The following MKLN1 variants were observed in gnomAD, a reference collection of about 807,000 sequenced individuals.
The protein encoded by MKLN1 is muskelin 1.
Under a neutral mutation model 99.0 loss-of-function variants are expected in MKLN1, and 18 were observed. That is an observed-to-expected ratio of 0.18 (90% CI 0.13 to 0.27). The LOEUF (loss-of-function observed/expected upper bound fraction) is 0.27, where lower values mean the gene tolerates loss of function less well. Ranked by LOEUF, MKLN1 falls within the 10% of genes least tolerant of loss-of-function variation. The probability of loss-of-function intolerance (pLI) is 1.00; values close to 1 mark genes in which losing one functional copy is unlikely to be tolerated. For synonymous variants in MKLN1, 288 were observed against 293.2 expected (o/e 0.98, Z 0.18); for missense variants, 621 against 875.9 (o/e 0.71, Z 3.67).
chr7:131,329,089 T>C (rs1241248056), intron 1 of MKLN1, among the ~76,000 whole-genome samples: 2 of 152,210 alleles, frequency 1.3e-5, no homozygotes, highest in African/African-American at 4.8e-5. Flanking sequence ...TACTGAGTAT[T>C]TTACTAAACA....
chr7:131,466,478 T>C, intron 15 of MKLN1, 63 bp downstream of exon 15: 1 of 1,232,410 alleles, frequency 8.1e-7, no homozygotes, highest in Non-Finnish European at 1.1e-6. Flanking sequence ...TCTTGGCAAA[T>C]TTAATAATGA....
rs140487080 is a variant in MKLN1, at chr7:131,271,896, C to T, written c.-179+68922C>T. Among the ~76,000 whole-genome samples the T allele has an allele frequency of 4.8e-3, 673 of 139,214 alleles. 23 individuals carry two copies. The East Asian group carries it at 0.11, about 22-fold the overall frequency. The allele number at this position is 139,214 out of a possible 152,430, so 91.3% of individuals were successfully genotyped here. The stretch of plus-strand genomic sequence containing the variant: ...TGCACTCCAGCTTAGGCAACAAAAG[C>T]GAAACTCTGTCTCAAAAAAAAAAAA... On this transcript the variant is annotated intron_variant, in intron 3 of 7. Transcript: ENST00000416992.
intron 4 of MKLN1, among the ~76,000 whole-genome samples, chr7:131,390,460 C>T (rs1193239105): frequency 6.6e-6 from 1 of 152,060 alleles, no homozygotes; most frequent in Non-Finnish European, 1.5e-5. Context: ...GGAACCTTTT[C>T]CAGCCCTGTC....
Position 131,287,777 on chromosome 7 carries a change from A to G in MKLN1, c.-179+84803A>G, listed in dbSNP as rs556425440. Among the ~76,000 whole-genome samples, 18 of 150,182 alleles carry G rather than the reference A, an allele frequency of 1.2e-4. No individual in the cohort carries two copies. The South Asian group carries it at 3.1e-3, about 26-fold the overall frequency. On this transcript the variant is annotated intron_variant, in intron 3 of 7. Coordinates refer to the MKLN1 transcript ENST00000416992. Reference sequence around the variant, plus strand: ...CCCATAATCCCCACATGTTTAGGGAAAGACCAGTGGGAGGTGATTGGATCA... The same window carrying G: ...CCCATAATCCCCACATGTTTAGGGAGAGACCAGTGGGAGGTGATTGGATCA...
chr7:131,312,062 ACC>A (rs1798576822), intron 3 of MKLN1, among the ~76,000 whole-genome samples: 1 of 151,770 alleles, frequency 6.6e-6, no homozygotes, highest in South Asian at 2.1e-4. Context: ...CACTCTTGTT[ACC>A]CAGGCTGGAG....
At chr7:131,199,804 G>A (rs1265193474) in intron 2 of MKLN1, among the ~76,000 whole-genome samples, 4 of 152,180 alleles carry the variant, frequency 2.6e-5, no homozygotes, top group East Asian at 1.9e-4. Context: ...AGTGATTCTC[G>A]TGTCTCAGCC....
chr7:131,209,835 G>A (rs1277986899), intron 3 of MKLN1, among the ~76,000 whole-genome samples: 1 of 152,118 alleles, frequency 6.6e-6, no homozygotes, highest in Non-Finnish European at 1.5e-5. Flanking sequence ...GGGGATAGAT[G>A]TGGCTGTCCG....
At chr7:131,325,763 G>C (rs3757395), upstream of MKLN1, among the ~76,000 whole-genome samples, 72,064 of 151,500 alleles carry the variant, frequency 0.48, 17,749 homozygotes, top group Non-Finnish European at 0.54. Flanking sequence ...GCTGGAGTTA[G>C]CCAGGTAAAG....
At position 131,251,853 on chromosome 7, in the gene MKLN1, A is replaced by T. The variant is rs867881916; in HGVS notation, c.-179+48879A>T. On this transcript the variant is annotated intron_variant, in intron 3 of 7. Coordinates refer to the MKLN1 transcript ENST00000416992. ...CCCAAGAAATTCTTGTATTTTTTGT[A>T]GAGATGTTTGTAGAGATGTTTTGCC... Among the ~76,000 whole-genome samples, 97 of 150,980 alleles carry T rather than the reference A, an allele frequency of 6.4e-4. 1 individual carries two copies. Among genetic ancestry groups the T allele is most frequent in the Non-Finnish European group, 1.8e-4 (12 of 67,546 alleles).
At chr7:131,475,544 T>TAC (rs1445700304) in intron 16 of MKLN1, among the ~76,000 whole-genome samples, 2 of 152,220 alleles carry the variant, frequency 1.3e-5, no homozygotes, top group Non-Finnish European at 2.9e-5. Context: ...CTGGGCGTGG[T>TAC]GGCTCACGCT....
chr7:131,294,019 C>T (rs1798256652), intron 3 of MKLN1, among the ~76,000 whole-genome samples: 1 of 151,878 alleles, frequency 6.6e-6, no homozygotes, highest in South Asian at 2.1e-4. Context: ...GTAGCACACC[C>T]AGTCATGACA....
chr7:131,175,758 G>A (rs1796289333), intron 2 of MKLN1, among the ~76,000 whole-genome samples: 2 of 152,062 alleles, frequency 1.3e-5, no homozygotes, highest in Non-Finnish European at 2.9e-5. Flanking sequence ...AATTTAGCTG[G>A]GTGTGGTGGC....
intron 3 of MKLN1, among the ~76,000 whole-genome samples, chr7:131,227,536 T>TCTTTCTTTCTTTCTTTCTTC (rs1797174829): frequency 6.7e-6 from 1 of 148,886 alleles, no homozygotes; most frequent in Non-Finnish European, 1.5e-5. Flanking sequence ...TTTCTTTCTT[T>TCTTTCTTTCTTTCTTTCTTC]CTCTCTTTCT....
chr7:131,291,880 G>A (rs369770614), intron 3 of MKLN1, among the ~76,000 whole-genome samples: 1 of 152,136 alleles, frequency 6.6e-6, no homozygotes, highest in East Asian at 1.9e-4. Flanking sequence ...CAAGGCGGGA[G>A]GATATCTTGA....
At chr7:131,248,243 G>C (rs1170635730) in intron 3 of MKLN1, among the ~76,000 whole-genome samples, 2 of 152,060 alleles carry the variant, frequency 1.3e-5, no homozygotes, top group Non-Finnish European at 2.9e-5. Context: ...GCTACTAATA[G>C]TAAAATAGAA....
intron 1 of MKLN1, among the ~76,000 whole-genome samples, chr7:131,363,054 A>G (rs1316969301): frequency 6.6e-6 from 1 of 151,964 alleles, no homozygotes; most frequent in Non-Finnish European, 1.5e-5. Context: ...AAGTATTTTT[A>G]TCTATTACAA....
At chr7:131,203,427 T>C (rs1013131366) in intron 3 of MKLN1, among the ~76,000 whole-genome samples, 25 of 152,142 alleles carry the variant, frequency 1.6e-4, no homozygotes, top group African/African-American at 6.0e-4. Flanking sequence ...GAGGAAATTT[T>C]CCCTGTGGGC....
At position 131,491,010 on chromosome 7, in the gene MKLN1, A is replaced by G. The variant is rs745425487; in HGVS notation, c.*3282A>G. The stretch of plus-strand genomic sequence containing the variant: ...GATTTTATTCTCTAAATTATACTCA[A>G]TTTCATGGTAATTACATGAAGAAGT... On this transcript the variant is annotated 3_prime_UTR_variant, in exon 18 of 18. Coordinates refer to ENST00000352689, the MANE Select transcript of MKLN1 (RefSeq NM_013255.5). 1 of 152,202 alleles carries G rather than the reference A, an allele frequency of 6.6e-6. No homozygotes were observed. The highest frequency in any genetic ancestry group is 1.5e-5 in the Non-Finnish European group (1 of 68,014). 9.4% of individuals were successfully genotyped at this position (152,202 alleles called of 1,614,324 possible). A position where few individuals can be genotyped will look rare whatever the true frequency, so the allele number is the denominator to read the frequency against.
chr7:131,200,766 A>G (rs1295840881), intron 2 of MKLN1, among the ~76,000 whole-genome samples: 1 of 152,226 alleles, frequency 6.6e-6, no homozygotes, highest in Non-Finnish European at 1.5e-5. Flanking sequence ...ATTTTAGTAA[A>G]TTAAATCATA....
Sources: gnomAD v4.1 joint callset for allele counts (sites outside exome capture counted in the v4.1 genomes callset) on GRCh38, gnomAD v4.1.1 for gene constraint, MANE v1.5 for transcripts, NCBI Gene and HGNC (gene_info 2026-07-23, HGNC 2026-07-21) for gene names.